Variants in PRPF3 observed in about 807,000 individuals in gnomAD.
PRPF3 encodes the protein pre-mRNA processing factor 3, also known as U4/U6 small nuclear ribonucleoprotein Prp3.
In PRPF3, 3 loss-of-function variants were observed where a neutral mutation model predicts 89.2. The ratio of observed to expected loss-of-function variants is 0.03; its 90% CI spans 0.02 to 0.09. The LOEUF (loss-of-function observed/expected upper bound fraction) is 0.09. Among genes scored for constraint, PRPF3 ranks in the 10% least tolerant of loss-of-function variants. The pLI, the probability that PRPF3 is intolerant of heterozygous loss-of-function variation, is 1.00. For missense variants in PRPF3, 463 were observed against 828.8 expected, an observed-to-expected ratio of 0.56 and a Z score of 5.42; for synonymous variants, 270 against 289.1, an observed-to-expected ratio of 0.93 and a Z score of 0.67.
chr1:150,326,881 G>A (rs587659173), intron 3 of PRPF3, among the ~76,000 whole-genome samples: 45 of 152,148 alleles, frequency 3.0e-4, no homozygotes, highest in African/African-American at 7.9e-4. Flanking sequence ...AGAGGCAGGG[G>A]TATCACAAAA....
At chr1:150,348,081 G>A (rs1054042884) in intron 14 of PRPF3, among the ~76,000 whole-genome samples, 10 of 152,064 alleles carry the variant, frequency 6.6e-5, no homozygotes, top group African/African-American at 2.4e-4. Flanking sequence ...ACCTGGATTA[G>A]CATTTAAAAT....
At chr1:150,338,412 T>C (rs1657281268) in intron 8 of PRPF3, 86 bp downstream of exon 8, 1 of 1,325,072 alleles carries the variant, frequency 7.5e-7, no homozygotes, top group Non-Finnish European at 1.1e-6. Context: ...AGTAAAGCTA[T>C]GGTTTTAGTG....
intron 3 of PRPF3, 38 bp downstream of exon 3, chr1:150,325,919 T>C (rs200386662): frequency 2.7e-5 from 44 of 1,606,360 alleles, no homozygotes; most frequent in Non-Finnish European, 5.1e-6. Flanking sequence ...CTCAGGACTG[T>C]TTTGAATGGT....
chr1:150,341,128 G>GA (rs1306778520), intron 9 of PRPF3, among the ~76,000 whole-genome samples: 1 of 117,570 alleles, frequency 8.5e-6, no homozygotes, highest in African/African-American at 3.2e-5. Context: ...AAAAAAAAAA[G>GA]AAGAAAGAAA....
At chr1:150,337,795 C>T (rs1335632957) in intron 7 of PRPF3, among the ~76,000 whole-genome samples, 1 of 150,598 alleles carries the variant, frequency 6.6e-6, no homozygotes, top group Non-Finnish European at 1.5e-5. Context: ...GGGATTCTGG[C>T]CGGGCACAGT....
intron 4 of PRPF3, 129 bp from the exon 5 acceptor site, chr1:150,332,555 C>A: frequency 1.1e-6 from 1 of 890,048 alleles, no homozygotes. Flanking sequence ...GTGGTGCAGG[C>A]AGAATGTGGT....
At chr1:150,347,971 C>CA (rs1213446535) in intron 14 of PRPF3, among the ~76,000 whole-genome samples, 3 of 152,056 alleles carry the variant, frequency 2.0e-5, no homozygotes, top group Admixed American at 6.6e-5. Context: ...ATACTCAAGG[C>CA]AAAAAATTGT....
In PRPF3 at chr1:150,325,955, C is replaced by G. The variant is rs587608088; in HGVS notation, c.276+74C>G. The G allele has an allele frequency of 8.6e-4, 1,344 of 1,557,390 alleles. 20 individuals carry two copies. In the South Asian group the frequency reaches 0.014, roughly 17 times the overall value. ...AACAGAGTTGCTGAGCTTACCAGTT[C>G]ACACGTTGATATCCTCTATTTAGAG... On this transcript the variant is annotated intron_variant, in intron 3 of 15. Coordinates refer to ENST00000324862, the MANE Select transcript of PRPF3 (RefSeq NM_004698.4).
At chr1:150,322,094 CTTT>C (rs1193823616) in intron 1 of PRPF3, among the ~76,000 whole-genome samples, 2 of 152,112 alleles carry the variant, frequency 1.3e-5, no homozygotes, top group African/African-American at 4.8e-5. Context: ...CCGTTTGAAA[CTTT>C]TTTATCCATT....
rs781864149 is a variant in PRPF3, at chr1:150,328,547, A to T, written c.423+81A>T. On this transcript the variant is annotated intron_variant, in intron 4 of 15. Transcript: ENST00000324862. Reference sequence around the variant, plus strand: ...TGCATGGGTCTGTATTTATTGTGGAATTTTTTTTTTTTTTTTTTTTTTGAG... The same window carrying T: ...TGCATGGGTCTGTATTTATTGTGGATTTTTTTTTTTTTTTTTTTTTTTGAG... 401 of 580,706 alleles carry T rather than the reference A, an allele frequency of 6.9e-4. 1 individual carries two copies. In the Middle Eastern group the frequency reaches 8.1e-3, roughly 12 times the overall value. 36.0% of individuals were successfully genotyped at this position (580,706 alleles called of 1,614,324 possible).
chr1:150,332,901 G>A (rs1359206463), intron 5 of PRPF3, 78 bp from the exon 6 acceptor site: 17 of 1,492,646 alleles, frequency 1.1e-5, no homozygotes, highest in Non-Finnish European at 1.3e-5. Flanking sequence ...ACCATGATGT[G>A]TGTGTATATC....
intron 14 of PRPF3, among the ~76,000 whole-genome samples, chr1:150,348,150 A>T (rs1027995246): frequency 6.6e-5 from 10 of 152,100 alleles, no homozygotes; most frequent in Admixed American, 6.6e-4. Context: ...TGGGAGGCCG[A>T]GGCGGGTGGA....
At chr1:150,335,514 G>A (rs940709630) in intron 7 of PRPF3, among the ~76,000 whole-genome samples, 2 of 152,122 alleles carry the variant, frequency 1.3e-5, no homozygotes, top group Non-Finnish European at 2.9e-5. Context: ...TGCCCAGGCT[G>A]GAGTGCAATG....
At chr1:150,343,244 A>ATAT (rs1398940366) in intron 9 of PRPF3, 65 bp from the exon 10 acceptor site, 8 of 380,960 alleles carry the variant, frequency 2.1e-5, no homozygotes, top group African/African-American at 1.9e-4. Context: ...AGAGAAAAAA[A>ATAT]AAAAATATAT....
At chr1:150,351,023 T>G (rs147357303) in intron 15 of PRPF3, among the ~76,000 whole-genome samples, 1 of 151,454 alleles carries the variant, frequency 6.6e-6, no homozygotes, top group East Asian at 1.9e-4. Context: ...TCCCAACACT[T>G]TGGGAGGCTG....
intron 14 of PRPF3, among the ~76,000 whole-genome samples, chr1:150,347,690 T>C (rs1658437203): frequency 6.6e-6 from 1 of 151,312 alleles, no homozygotes. Context: ...ATCGCACCAC[T>C]GCACTGCAGC....
intron 15 of PRPF3, among the ~76,000 whole-genome samples, chr1:150,350,542 C>G (rs1318652901): frequency 6.6e-6 from 1 of 152,188 alleles, no homozygotes; most frequent in Admixed American, 6.5e-5. Flanking sequence ...AGTATATGTG[C>G]TGCTGAAGCG....
intron 3 of PRPF3, chr1:150,327,810 C>A: frequency 4.9e-6 from 1 of 204,858 alleles, no homozygotes; most frequent in Non-Finnish European, 8.7e-6. Flanking sequence ...AAGCCCCTGT[C>A]CTGGAAGAGC....
chr1:150,345,800 T>C, intron 12 of PRPF3: 2 of 570,758 alleles, frequency 3.5e-6, no homozygotes, highest in South Asian at 3.8e-5. Flanking sequence ...AGTAATGTAA[T>C]GGTTAATGTA....
Sources: allele counts gnomAD v4.1 joint callset (sites outside exome capture counted in the v4.1 genomes callset), GRCh38; gene constraint gnomAD v4.1.1; transcripts MANE v1.5; gene names NCBI Gene and HGNC (gene_info 2026-07-23, HGNC 2026-07-21).